THSD4: variants seen among roughly 807,000 people sequenced by gnomAD.
THSD4 encodes thrombospondin type 1 domain containing 4.
THSD4 carries 69 observed loss-of-function variants against 119.0 expected under a neutral mutation model. That is an observed-to-expected ratio of 0.58 (90% CI 0.48 to 0.71). The LOEUF is 0.71. Among genes scored for constraint, THSD4 ranks in the 30% least tolerant of loss-of-function variants. The pLI, the probability that THSD4 is intolerant of heterozygous loss-of-function variation, is 0.00. For missense variants in THSD4, 1,393 were observed against 1,391.1 expected (o/e 1.00, Z -0.02); for synonymous variants, 524 against 540.4 (o/e 0.97, Z 0.42).
chr15:71,517,873 G>C (rs188773389), intron 7 of THSD4, among the ~76,000 whole-genome samples: 54 of 152,356 alleles, frequency 3.5e-4, no homozygotes, highest in African/African-American at 1.2e-3. Context: ...TTGAAGGCCT[G>C]ATGCCACTTC....
chr15:71,376,165 A>AG (rs1167490105), intron 6 of THSD4, among the ~76,000 whole-genome samples: 1 of 152,138 alleles, frequency 6.6e-6, no homozygotes, highest in Non-Finnish European at 1.5e-5. Context: ...GTGCAGGAGG[A>AG]GGAGTACTCA....
At chr15:71,635,107 C>T (rs1292629731) in intron 7 of THSD4, among the ~76,000 whole-genome samples, 23 of 152,206 alleles carry the variant, frequency 1.5e-4, no homozygotes, top group Non-Finnish European at 2.9e-5. Flanking sequence ...CATGTATGCA[C>T]TGCCCATTAA....
rs572790843 is a variant in THSD4, at chr15:71,540,943, G to A, written c.1153-119587G>A. The stretch of plus-strand genomic sequence containing the variant: ...TCACCATGTTGGCCAGGCTGGTCTC[G>A]AACTCCTGACCTCAAGTGATCCACC... On this transcript the variant is annotated intron_variant, in intron 7 of 17. Transcript: ENST00000261862. Among the ~76,000 whole-genome samples, 419 of 151,940 alleles carry A rather than the reference G, an allele frequency of 2.8e-3. 1 individual carries two copies. The highest frequency in any genetic ancestry group is 4.9e-3 in the Non-Finnish European group (332 of 67,980).
intron 1 of THSD4, among the ~76,000 whole-genome samples, chr15:71,119,055 A>G (rs148493757): frequency 1.3e-5 from 2 of 152,258 alleles, no homozygotes; most frequent in African/African-American, 2.4e-5. Context: ...TGGTGTGTGC[A>G]ATGCTTGGGG....
intron 6 of THSD4, among the ~76,000 whole-genome samples, chr15:71,292,801 C>A (rs561332090): frequency 6.6e-6 from 1 of 152,002 alleles, no homozygotes; most frequent in South Asian, 2.1e-4. Context: ...CTCAGCCTCC[C>A]GAGTAGCTGG....
At chr15:71,619,341 A>G (rs1210587565) in intron 7 of THSD4, among the ~76,000 whole-genome samples, 2 of 152,176 alleles carry the variant, frequency 1.3e-5, no homozygotes, top group Non-Finnish European at 2.9e-5. Flanking sequence ...CCAAACCAGG[A>G]TTTAAATTAA....
chr15:71,185,282 T>G (rs1190530061), intron 3 of THSD4: 2 of 151,782 alleles, frequency 1.3e-5, no homozygotes, highest in Non-Finnish European at 2.9e-5. Context: ...TTACTGGAAT[T>G]TTATTGTATT....
In THSD4 at chr15:71,242,763, G is replaced by T; in HGVS notation, c.579G>T (p.Lys193Asn). The change falls in exon 5 of 18, where the codon AAG (lysine) becomes AAT (asparagine). Residue 193 changes from lysine to asparagine, a missense_variant. Lys to Asn is a moderately conservative substitution (Grantham distance 94, BLOSUM62 0). Transcript: ENST00000261862. ...CGCCACAGAGGCTCCGGAGACAGAA[G>T]CTCTCATCCCGCCATTCCAGGTCCC... The part of the protein sequence containing the change: ...AHTPQRLRRQ[K>N]LSSRHSRSQG... 1 of 1,614,164 alleles carries T rather than the reference G, an allele frequency of 6.2e-7. No homozygotes were observed. The highest frequency in any genetic ancestry group is 8.5e-7 in the Non-Finnish European group (1 of 1,180,026).
intron 4 of THSD4, 89 bp from the exon 5 acceptor site, chr15:71,242,560 T>C: frequency 1.4e-6 from 2 of 1,403,168 alleles, no homozygotes; most frequent in Non-Finnish European, 2.0e-6. Context: ...CGTTCCTACC[T>C]GGTCCTCTCT....
At chr15:71,112,199 T>G, upstream of THSD4, 1 of 1,613,708 alleles carries the variant, frequency 6.2e-7, no homozygotes, top group Non-Finnish European at 8.5e-7. Context: ...AATGGCTGAA[T>G]GTTCTGTGGG....
chr15:71,590,779 G>T (rs1019795245), intron 7 of THSD4, among the ~76,000 whole-genome samples: 1 of 151,980 alleles, frequency 6.6e-6, no homozygotes, highest in African/African-American at 2.4e-5. Flanking sequence ...CAAGGCAGGC[G>T]GATCATGAGG....
chr15:71,740,481 G>A (rs140927658), intron 11 of THSD4, among the ~76,000 whole-genome samples: 5 of 152,244 alleles, frequency 3.3e-5, no homozygotes, highest in African/African-American at 1.2e-4. Flanking sequence ...TCAACAAAGG[G>A]TGCCATGTGG....
At chr15:71,134,408 C>T (rs978013998) in intron 1 of THSD4, among the ~76,000 whole-genome samples, 3 of 152,336 alleles carry the variant, frequency 2.0e-5, no homozygotes, top group Non-Finnish European at 4.4e-5. Flanking sequence ...AGTGGCTTAG[C>T]GCCTTCAGCG....
At chr15:71,623,542 A>G (rs2050455596) in intron 7 of THSD4, among the ~76,000 whole-genome samples, 1 of 152,344 alleles carries the variant, frequency 6.6e-6, no homozygotes, top group Non-Finnish European at 1.5e-5. Context: ...GAACTAGTCA[A>G]TATTTATTTT....
At chr15:71,618,507 C>T (rs2140923119) in intron 7 of THSD4, among the ~76,000 whole-genome samples, 1 of 152,262 alleles carries the variant, frequency 6.6e-6, no homozygotes, top group African/African-American at 2.4e-5. Context: ...CAGGGATATA[C>T]CCCGGCATCA....
chr15:71,636,835 G>A (rs1331023250), intron 7 of THSD4, among the ~76,000 whole-genome samples: 1 of 151,884 alleles, frequency 6.6e-6, no homozygotes, highest in Non-Finnish European at 1.5e-5. Flanking sequence ...AGGCATGTGA[G>A]AAATCTACAG....
In THSD4 at chr15:71,502,301, A is replaced by G. The variant is rs116967828; in HGVS notation, c.1152+90478A>G. Among the ~76,000 whole-genome samples, 1,395 of 152,314 alleles carry G rather than the reference A, an allele frequency of 9.2e-3. 10 individuals are homozygous for G. The highest frequency in any genetic ancestry group is 0.015 in the Non-Finnish European group (1,014 of 68,022). On this transcript the variant is annotated intron_variant, in intron 7 of 17. Coordinates refer to ENST00000261862, the MANE Select transcript of THSD4 (RefSeq NM_024817.3). Reference sequence around the variant, plus strand: ...AGAAAGCACTTAAAAATGCCTCTCAACACTTATCATGTGCTATGGAAATGA... The same window carrying G: ...AGAAAGCACTTAAAAATGCCTCTCAGCACTTATCATGTGCTATGGAAATGA...
At chr15:71,249,702 A>G (rs916460875) in intron 5 of THSD4, among the ~76,000 whole-genome samples, 5 of 152,240 alleles carry the variant, frequency 3.3e-5, no homozygotes, top group Non-Finnish European at 7.3e-5. Flanking sequence ...AAATATCAGA[A>G]CAGCAAAGAC....
At chr15:71,521,694 T>C (rs2140787068) in intron 7 of THSD4, among the ~76,000 whole-genome samples, 1 of 151,900 alleles carries the variant, frequency 6.6e-6, no homozygotes, top group East Asian at 1.9e-4. Context: ...CATTAACCTG[T>C]AGATCAGTTT....
Sources: gnomAD v4.1 joint callset for allele counts (sites outside exome capture counted in the v4.1 genomes callset) on GRCh38, gnomAD v4.1.1 for gene constraint, MANE v1.5 for transcripts, NCBI Gene and HGNC (gene_info 2026-07-23, HGNC 2026-07-21) for gene names.